Variants in LRRTM4 observed in about 807,000 individuals in gnomAD.
LRRTM4 encodes leucine-rich repeat transmembrane neuronal protein 4.
Under a neutral mutation model 47.6 loss-of-function variants are expected in LRRTM4, and 25 were observed. That is an observed-to-expected ratio of 0.53 (90% CI 0.38 to 0.73). LRRTM4 has a LOEUF of 0.73. Ranked by LOEUF, LRRTM4 falls within the 30% of genes least tolerant of loss-of-function variation. LRRTM4 has a pLI of 0.00. For synonymous variants in LRRTM4, 311 were observed against 269.5 expected (o/e 1.15, Z -1.51); for missense variants, 638 against 713.4 (o/e 0.89, Z 1.20).
At chr2:77,294,687 G>C (rs1380433803) in intron 3 of LRRTM4, among the ~76,000 whole-genome samples, 1 of 152,070 alleles carries the variant, frequency 6.6e-6, no homozygotes, top group Non-Finnish European at 1.5e-5. Context: ...TTAGATTTAT[G>C]TTCTTCTCAG....
At chr2:77,007,816 C>CTA (rs1161230035) in intron 3 of LRRTM4, among the ~76,000 whole-genome samples, 1 of 152,126 alleles carries the variant, frequency 6.6e-6, no homozygotes, top group Non-Finnish European at 1.5e-5. Flanking sequence ...CCTAATTACT[C>CTA]TCCTGGAATC....
At chr2:76,868,453 G>A (rs1048903995) in intron 3 of LRRTM4, among the ~76,000 whole-genome samples, 2 of 152,092 alleles carry the variant, frequency 1.3e-5, no homozygotes, top group Non-Finnish European at 2.9e-5. Context: ...CTTTCAATCA[G>A]AATGTTCTTT....
intron 3 of LRRTM4, among the ~76,000 whole-genome samples, chr2:76,816,475 G>A (rs975402524): frequency 3.3e-5 from 5 of 152,066 alleles, no homozygotes; most frequent in African/African-American, 1.2e-4. Context: ...AGCAGTCCAG[G>A]AAAGCAGATA....
intron 3 of LRRTM4, among the ~76,000 whole-genome samples, chr2:77,473,999 C>T (rs1417941542): frequency 2.6e-5 from 4 of 152,042 alleles, no homozygotes; most frequent in African/African-American, 4.8e-5. Context: ...TGGATGTGAG[C>T]TTTGTTCTTG....
chr2:77,134,253 A>G (rs1042686737), intron 3 of LRRTM4, among the ~76,000 whole-genome samples: 4 of 152,286 alleles, frequency 2.6e-5, no homozygotes, highest in African/African-American at 4.8e-5. Flanking sequence ...TTAAATTTAC[A>G]TAAAACTTAG....
At chr2:77,306,352 G>A (rs1677271397) in intron 3 of LRRTM4, among the ~76,000 whole-genome samples, 1 of 152,132 alleles carries the variant, frequency 6.6e-6, no homozygotes, top group Admixed American at 6.6e-5. Context: ...CTTATATCAG[G>A]TTGGTATGTA....
At chr2:76,833,291 C>A (rs535612221) in intron 3 of LRRTM4, among the ~76,000 whole-genome samples, 7 of 152,162 alleles carry the variant, frequency 4.6e-5, no homozygotes, top group Admixed American at 1.3e-4. Context: ...CATCTATATC[C>A]GTGCTGCAAA....
chr2:76,974,736 A>G (rs560641723), intron 3 of LRRTM4, among the ~76,000 whole-genome samples: 1 of 151,842 alleles, frequency 6.6e-6, no homozygotes, highest in East Asian at 1.9e-4. Context: ...CTGACATACT[A>G]TTATAAATTT....
chr2:77,161,164 T>C (rs946451941), intron 3 of LRRTM4, among the ~76,000 whole-genome samples: 5 of 152,174 alleles, frequency 3.3e-5, no homozygotes, highest in African/African-American at 1.2e-4. Context: ...TTTTCCCATC[T>C]TGCTTGCCAT....
chr2:76,795,230 T>C (rs1675212788), intron 3 of LRRTM4, among the ~76,000 whole-genome samples: 1 of 143,484 alleles, frequency 7.0e-6, no homozygotes, highest in African/African-American at 2.9e-5. Flanking sequence ...TAATGAAAAG[T>C]GTGTTTTGTA....
intron 3 of LRRTM4, among the ~76,000 whole-genome samples, chr2:76,941,903 G>C (rs1300583142): frequency 1.3e-5 from 2 of 152,124 alleles, no homozygotes; most frequent in Non-Finnish European, 2.9e-5. Context: ...CTTCCATAAT[G>C]GTTCAACTAA....
At chr2:76,782,711 A>G (rs763223285) in intron 3 of LRRTM4, among the ~76,000 whole-genome samples, 1 of 152,156 alleles carries the variant, frequency 6.6e-6, no homozygotes, top group Non-Finnish European at 1.5e-5. Context: ...TGCATTTTCA[A>G]ATCGTCACAA....
chr2:77,512,047 T>G (rs1245908309), intron 3 of LRRTM4, among the ~76,000 whole-genome samples: 2 of 152,262 alleles, frequency 1.3e-5, no homozygotes, highest in South Asian at 2.1e-4. Context: ...AACCTCGAAC[T>G]TTTGGCCTTC....
intron 3 of LRRTM4, among the ~76,000 whole-genome samples, chr2:77,075,914 CAAAAAA>C (rs61718845): frequency 0.012 from 458 of 36,796 alleles, 1 homozygote; most frequent in Non-Finnish European, 0.018. Flanking sequence ...GACTCCGTCT[CAAAAAA>C]AAAAAAAAAA....
chr2:76,753,204 A>T (rs538726851), intron 3 of LRRTM4, among the ~76,000 whole-genome samples: 1 of 152,264 alleles, frequency 6.6e-6, no homozygotes, highest in East Asian at 1.9e-4. Context: ...CTTGAGTTTC[A>T]AGTAACTCCT....
At chr2:77,352,411 A>G (rs891506006) in intron 3 of LRRTM4, among the ~76,000 whole-genome samples, 2 of 152,132 alleles carry the variant, frequency 1.3e-5, no homozygotes, top group Non-Finnish European at 2.9e-5. Context: ...TATTCTGGCC[A>G]TTATTAAGTG....
chr2:76,938,257 C>G (rs188438862), intron 3 of LRRTM4, among the ~76,000 whole-genome samples: 3 of 152,016 alleles, frequency 2.0e-5, no homozygotes, highest in African/African-American at 7.2e-5. Flanking sequence ...TTGAGTTAAT[C>G]AAAAATGCAT....
At chr2:76,916,977 G>A (rs567216125) in intron 3 of LRRTM4, among the ~76,000 whole-genome samples, 3 of 152,238 alleles carry the variant, frequency 2.0e-5, no homozygotes, top group South Asian at 4.1e-4. Flanking sequence ...TGAAATTTGT[G>A]GCATCTGAAG....
At chr2:77,467,061 C>A (rs1428830978) in intron 3 of LRRTM4, among the ~76,000 whole-genome samples, 3 of 152,102 alleles carry the variant, frequency 2.0e-5, no homozygotes, top group African/African-American at 7.2e-5. Flanking sequence ...AATTAAATAA[C>A]TAAATTTCAC....
Sources: gnomAD v4.1 joint callset for allele counts (sites outside exome capture counted in the v4.1 genomes callset) on GRCh38, gnomAD v4.1.1 for gene constraint, MANE v1.5 for transcripts, NCBI Gene and HGNC (gene_info 2026-07-23, HGNC 2026-07-21) for gene names.